The following EPHA6 variants were observed in gnomAD, a reference collection of about 807,000 sequenced individuals.
EPHA6 encodes the protein ephrin type-A receptor 6.
Under a neutral mutation model 112.0 loss-of-function variants are expected in EPHA6, and 50 were observed. The ratio of observed to expected loss-of-function variants is 0.45; its 90% CI spans 0.36 to 0.56. The LOEUF (loss-of-function observed/expected upper bound fraction) is 0.56. EPHA6 is among the 20% of genes least tolerant of loss of function. EPHA6 has a pLI of 0.00. For synonymous variants in EPHA6, 529 were observed against 490.7 expected, an observed-to-expected ratio of 1.08 and a Z score of -1.03; for missense variants, 1,280 against 1,417.4, an observed-to-expected ratio of 0.90 and a Z score of 1.56.
At chr3:97,260,244 C>A (rs969208903) in intron 5 of EPHA6, among the ~76,000 whole-genome samples, 1 of 152,148 alleles carries the variant, frequency 6.6e-6, no homozygotes, top group Admixed American at 6.5e-5. Context: ...TTTGGGTTGC[C>A]CTAACAGAGT....
In EPHA6 at chr3:97,352,544, A is replaced by C. The variant is rs142499414; in HGVS notation, c.1607-52606A>C. On this transcript the variant is annotated intron_variant, in intron 5 of 17. Transcript: ENST00000389672. Reference sequence around the variant, plus strand: ...TTGGAACTCAGTGCTGCCTTGTCACAGTGGAAAGAAACATGGGGTGGAATT... The same window carrying C: ...TTGGAACTCAGTGCTGCCTTGTCACCGTGGAAAGAAACATGGGGTGGAATT... Among the ~76,000 whole-genome samples the C allele has an allele frequency of 1.3e-4, 20 of 152,294 alleles. No individual in the cohort carries two copies. In the East Asian group the frequency reaches 1.7e-3, roughly 13 times the overall value.
chr3:96,983,566 A>G (rs2042899030), intron 2 of EPHA6, among the ~76,000 whole-genome samples: 1 of 152,036 alleles, frequency 6.6e-6, no homozygotes, highest in South Asian at 2.1e-4. Flanking sequence ...TCTTTGTGGC[A>G]TTCTCTGTAT....
rs201828914 is a variant in EPHA6 at position 97,052,603 on chromosome 3, G to A, written c.1114+64610G>A. On this transcript the variant is annotated intron_variant, in intron 3 of 17. Transcript: ENST00000389672. ...TATGGGAAAGTAAAGGTGTGTTTTGGTCTTTTAAGTAAGTTAATTGAACTG... is the reference window on the plus strand; with the variant it reads ...TATGGGAAAGTAAAGGTGTGTTTTGATCTTTTAAGTAAGTTAATTGAACTG... Among the ~76,000 whole-genome samples, 38 of 152,184 alleles carry A rather than the reference G, an allele frequency of 2.5e-4. 1 individual carries two copies. In the East Asian group the frequency reaches 2.7e-3, roughly 11 times the overall value.
intron 5 of EPHA6, among the ~76,000 whole-genome samples, chr3:97,391,448 T>C (rs940002391): frequency 6.6e-6 from 1 of 152,006 alleles, no homozygotes; most frequent in South Asian, 2.1e-4. Flanking sequence ...TCTTTACATG[T>C]TACATAACTT....
intron 5 of EPHA6, among the ~76,000 whole-genome samples, chr3:97,366,559 C>CAG (rs2084743739): frequency 6.6e-6 from 1 of 151,732 alleles, no homozygotes; most frequent in African/African-American, 2.4e-5. Context: ...AATACAGTCA[C>CAG]TAATCTTAGA....
intron 2 of EPHA6, among the ~76,000 whole-genome samples, chr3:96,939,996 A>G (rs1161953372): frequency 6.6e-6 from 1 of 152,014 alleles, no homozygotes; most frequent in African/African-American, 2.4e-5. Context: ...GTTGTTTTAC[A>G]TTTGCTGAGG....
chr3:97,518,300 G>A (rs1056776705), intron 10 of EPHA6, among the ~76,000 whole-genome samples: 14 of 152,014 alleles, frequency 9.2e-5, no homozygotes, highest in African/African-American at 3.4e-4. Context: ...TAACATCTCC[G>A]TGTGGTTTTA....
chr3:97,632,426 A>G (rs2093911475), intron 13 of EPHA6, among the ~76,000 whole-genome samples: 1 of 152,044 alleles, frequency 6.6e-6, no homozygotes, highest in Non-Finnish European at 1.5e-5. Flanking sequence ...CCAAGGTTTG[A>G]GATCTATTTT....
Position 97,257,654 on chromosome 3 carries a change from A to T in EPHA6, c.1606+13367A>T, listed in dbSNP as rs969884555. Among the ~76,000 whole-genome samples the T allele has an allele frequency of 2.0e-5, 3 of 152,042 alleles. No individual in the cohort carries two copies. In the East Asian group the frequency reaches 5.8e-4, roughly 29 times the overall value. On this transcript the variant is annotated intron_variant, in intron 5 of 17. Coordinates refer to ENST00000389672, the MANE Select transcript of EPHA6 (RefSeq NM_001080448.3). ...GCACTTTAAAATTATTATACTCTTTAAATCCACTACTAGGCCTTGTCAGTG... is the reference window on the plus strand; with the variant it reads ...GCACTTTAAAATTATTATACTCTTTTAATCCACTACTAGGCCTTGTCAGTG...
intron 5 of EPHA6, among the ~76,000 whole-genome samples, chr3:97,381,406 A>G (rs941950225): frequency 2.0e-5 from 3 of 152,118 alleles, no homozygotes; most frequent in African/African-American, 7.2e-5. Flanking sequence ...TCCAGTTTAT[A>G]GATGAGAAAA....
intron 1 of EPHA6, among the ~76,000 whole-genome samples, chr3:96,822,089 G>C (rs963995442): frequency 2.6e-5 from 4 of 151,996 alleles, no homozygotes; most frequent in African/African-American, 9.6e-5. Context: ...TCTGATGTTA[G>C]TTGTATGGAT....
At chr3:97,394,561 A>G (rs1313757891) in intron 5 of EPHA6, among the ~76,000 whole-genome samples, 4 of 151,830 alleles carry the variant, frequency 2.6e-5, no homozygotes, top group Admixed American at 6.6e-5. Context: ...AAGGAGCTCA[A>G]CTCAACACTG....
intron 2 of EPHA6, among the ~76,000 whole-genome samples, chr3:96,895,933 C>T (rs1019065402): frequency 2.6e-5 from 4 of 152,112 alleles, no homozygotes; most frequent in Non-Finnish European, 4.4e-5. Flanking sequence ...AGTAAGACCA[C>T]GTACCTATTT....
chr3:96,950,828 A>C (rs774759944), intron 2 of EPHA6, among the ~76,000 whole-genome samples: 1 of 152,016 alleles, frequency 6.6e-6, no homozygotes, highest in Admixed American at 6.6e-5. Flanking sequence ...ACTAGTGTCT[A>C]TTATGTCTAC....
intron 12 of EPHA6, among the ~76,000 whole-genome samples, chr3:97,598,901 A>C (rs1449277916): frequency 6.7e-6 from 1 of 150,326 alleles, no homozygotes; most frequent in African/African-American, 2.4e-5. Flanking sequence ...AAGTGTTCCT[A>C]TTTCTCCACA....
At chr3:97,276,876 T>G (rs1576826879) in intron 5 of EPHA6, among the ~76,000 whole-genome samples, 1 of 152,278 alleles carries the variant, frequency 6.6e-6, no homozygotes. Flanking sequence ...GACTATGCCT[T>G]TAGCTCCAGC....
At chr3:97,502,944 G>C (rs1317307639) in intron 10 of EPHA6, among the ~76,000 whole-genome samples, 1 of 145,104 alleles carries the variant, frequency 6.9e-6, no homozygotes, top group Non-Finnish European at 1.5e-5. Context: ...ACTAAAATTT[G>C]TTTCCTTAAA....
At chr3:97,526,558 T>G (rs957370113) in intron 10 of EPHA6, among the ~76,000 whole-genome samples, 2 of 152,126 alleles carry the variant, frequency 1.3e-5, no homozygotes, top group Admixed American at 6.6e-5. Context: ...GGGCTAGAGC[T>G]GAGATTTGGG....
intron 6 of EPHA6, among the ~76,000 whole-genome samples, chr3:97,422,046 A>G (rs11925955): frequency 0.12 from 18,678 of 151,820 alleles, 3,689 homozygotes; most frequent in African/African-American, 0.41. Flanking sequence ...CTTTCTCCTT[A>G]CAAGGAAAAT....
Sources: gnomAD v4.1 joint callset for allele counts (sites outside exome capture counted in the v4.1 genomes callset) on GRCh38, gnomAD v4.1.1 for gene constraint, MANE v1.5 for transcripts, NCBI Gene and HGNC (gene_info 2026-07-23, HGNC 2026-07-21) for gene names.